The following KLHL3 variants were observed in gnomAD, a reference collection of about 807,000 sequenced individuals.
KLHL3 encodes kelch-like protein 3.
KLHL3 carries 19 observed loss-of-function variants against 70.5 expected under a neutral mutation model. The observed-to-expected ratio is 0.27, with a 90% CI of 0.19 to 0.40. The LOEUF (loss-of-function observed/expected upper bound fraction) is 0.40. Ranked by LOEUF, KLHL3 falls within the 10% of genes least tolerant of loss-of-function variation. KLHL3 has a pLI of 1.00. For missense variants in KLHL3, 512 were observed against 771.1 expected, an observed-to-expected ratio of 0.66 and a Z score of 3.98; for synonymous variants, 258 against 290.3, an observed-to-expected ratio of 0.89 and a Z score of 1.13.
At chr5:137,659,049 C>T (rs1751411500) in intron 7 of KLHL3, among the ~76,000 whole-genome samples, 1 of 152,202 alleles carries the variant, frequency 6.6e-6, no homozygotes, top group Admixed American at 6.5e-5. Context: ...TGCTCTAACT[C>T]TCCAATCCCC....
intron 2 of KLHL3, among the ~76,000 whole-genome samples, chr5:137,719,009 A>G (rs189335123): frequency 6.6e-6 from 1 of 152,312 alleles, no homozygotes; most frequent in East Asian, 1.9e-4. Flanking sequence ...GCTATGTGCC[A>G]TTTTCTCTGC....
Position 137,634,031 on chromosome 5 carries a change from C to T in KLHL3, c.1450+6G>A, listed in dbSNP as rs1218451552. ...ACACAGCCAGCACCCCGAGGTTCTC[C>T]CATACCTGCGCCACTGCGGCGGGTG... On this transcript the variant is annotated splice_donor_region_variant and intron_variant, in intron 12 of 14. Coordinates refer to ENST00000309755, the MANE Select transcript of KLHL3 (RefSeq NM_017415.3). The T allele has an allele frequency of 6.2e-7, 1 of 1,614,158 alleles. No homozygotes were observed. Among genetic ancestry groups the T allele is most frequent in the East Asian group, 2.2e-5 (1 of 44,890 alleles).
chr5:137,720,898 CA>C lies in KLHL3; in HGVS notation c.15-315del, dbSNP rs139888531. On this transcript the variant is annotated intron_variant, in intron 1 of 14. Transcript: ENST00000309755. ...ACTAAGCACTCTATCACTCACTTCA[CA>C]GGTTTGTTTGTTCATTAAACAAGCA... 2.3e-3 allele frequency: 2,554 copies of C among 1,105,964 alleles called. 49 individuals are homozygous for C. In the African/African-American group the frequency reaches 0.039, roughly 17 times the overall value. 68.5% of individuals were successfully genotyped at this position (1,105,964 alleles called of 1,614,324 possible). A position where few individuals can be genotyped will look rare whatever the true frequency, so the allele number is the denominator to read the frequency against.
intron 1 of KLHL3, among the ~76,000 whole-genome samples, chr5:137,722,882 T>C (rs1753022892): frequency 6.6e-6 from 1 of 152,160 alleles, no homozygotes; most frequent in Admixed American, 6.5e-5. Context: ...TTGGTCAGGC[T>C]GTTCTCGAAC....
intron 14 of KLHL3, among the ~76,000 whole-genome samples, chr5:137,622,687 C>A (rs1026045562): frequency 6.6e-6 from 1 of 152,208 alleles, no homozygotes. Context: ...AGAGACCCTG[C>A]CAGTGTGACA....
intron 3 of KLHL3, chr5:137,705,972 C>T: frequency 4.1e-6 from 4 of 981,094 alleles, no homozygotes; most frequent in Non-Finnish European, 4.8e-6. Flanking sequence ...CAGTAAAGGG[C>T]AAATAGGTTG....
intron 1 of KLHL3, among the ~76,000 whole-genome samples, chr5:137,732,482 AT>A (rs1753194424): frequency 1.3e-5 from 2 of 151,378 alleles, no homozygotes; most frequent in African/African-American, 4.9e-5. Context: ...AAAAAGAAAG[AT>A]TAAGGTAGAT....
At chr5:137,705,294 G>T (rs941836768) in intron 3 of KLHL3, among the ~76,000 whole-genome samples, 3 of 152,228 alleles carry the variant, frequency 2.0e-5, no homozygotes, top group African/African-American at 7.2e-5. Context: ...CTGGCTTGCA[G>T]CAAGGGTGAA....
At chr5:137,719,153 G>A (rs1351466056) in intron 2 of KLHL3, among the ~76,000 whole-genome samples, 3 of 152,194 alleles carry the variant, frequency 2.0e-5, no homozygotes. Context: ...CCCTCTTTAA[G>A]AAACAAATAA....
At chr5:137,724,240 T>C (rs888016134) in intron 1 of KLHL3, among the ~76,000 whole-genome samples, 1 of 152,194 alleles carries the variant, frequency 6.6e-6, no homozygotes, top group Non-Finnish European at 1.5e-5. Flanking sequence ...AGGAAACCAC[T>C]GAAGGTTCTT....
chr5:137,720,711 C>A (rs186462780), intron 1 of KLHL3, 127 bp from the exon 2 acceptor site: 1 of 1,509,214 alleles, frequency 6.6e-7, no homozygotes, highest in Non-Finnish European at 8.8e-7. Flanking sequence ...TCACACAGAC[C>A]CAATAGGAAA....
At chr5:137,695,045 T>C (rs116567942) in intron 4 of KLHL3, among the ~76,000 whole-genome samples, 2 of 152,146 alleles carry the variant, frequency 1.3e-5, no homozygotes, top group Non-Finnish European at 2.9e-5. Flanking sequence ...ATATACAAGA[T>C]CATGCCAGTG....
At chr5:137,640,960 T>C (rs926415424) in intron 8 of KLHL3, among the ~76,000 whole-genome samples, 1 of 152,256 alleles carries the variant, frequency 6.6e-6, no homozygotes. Context: ...GATAGCAATT[T>C]AAATGCATTT....
At chr5:137,695,027 C>T (rs1752412828) in intron 4 of KLHL3, among the ~76,000 whole-genome samples, 1 of 152,142 alleles carries the variant, frequency 6.6e-6, no homozygotes, top group South Asian at 2.1e-4. Context: ...CTCCCCAACC[C>T]CATACGCATA....
chr5:137,663,890 G>A (rs1174669103), intron 6 of KLHL3, among the ~76,000 whole-genome samples: 1 of 152,216 alleles, frequency 6.6e-6, no homozygotes, highest in Admixed American at 6.5e-5. Context: ...CATCAGTGCT[G>A]CCTCTTTGAG....
chr5:137,627,085 TC>T (rs1259199843), intron 13 of KLHL3, among the ~76,000 whole-genome samples: 3 of 152,170 alleles, frequency 2.0e-5, no homozygotes, highest in Non-Finnish European at 2.9e-5. Context: ...CCATTTATAA[TC>T]ACTCAAGTAT....
chr5:137,664,392 T>C (rs1427374973), intron 6 of KLHL3, among the ~76,000 whole-genome samples: 1 of 151,826 alleles, frequency 6.6e-6, no homozygotes, highest in Non-Finnish European at 1.5e-5. Flanking sequence ...CCCATATGGA[T>C]ACTAAAAAAG....
intron 13 of KLHL3, chr5:137,628,070 G>A (rs1249458997): frequency 5.4e-6 from 3 of 555,584 alleles, no homozygotes; most frequent in Non-Finnish European, 9.6e-6. Flanking sequence ...CTTCACTGCG[G>A]GGAAAGGGGA....
At chr5:137,703,840 A>G (rs908888141) in intron 3 of KLHL3, among the ~76,000 whole-genome samples, 11 of 151,824 alleles carry the variant, frequency 7.2e-5, no homozygotes, top group African/African-American at 2.7e-4. Flanking sequence ...CAAAGTCAGG[A>G]AAAAAATGCC....
Sources: allele counts gnomAD v4.1 joint callset (sites outside exome capture counted in the v4.1 genomes callset), GRCh38; gene constraint gnomAD v4.1.1; transcripts MANE v1.5; gene names NCBI Gene and HGNC (gene_info 2026-07-23, HGNC 2026-07-21).